The following CFAP95 variants were observed in gnomAD, a reference collection of about 807,000 sequenced individuals.
The protein encoded by CFAP95 is cilia- and flagella-associated protein 95.
At chr9:69,869,891 G>A in the CFAP95 span, among the ~76,000 whole-genome samples, 490 of 152,196 alleles carry the variant, frequency 3.2e-3, 5 homozygotes, top group African/African-American at 0.011. Flanking sequence ...TAAAGTTTAT[G>A]TAGTTGTCAT....
At chr9:69,847,523 T>C in the CFAP95 span, among the ~76,000 whole-genome samples, 5 of 152,248 alleles carry the variant, frequency 3.3e-5, no homozygotes, top group Non-Finnish European at 5.9e-5. Flanking sequence ...CTTTTTACCC[T>C]GCTACACTGC....
the CFAP95 span, among the ~76,000 whole-genome samples, chr9:69,876,302 G>A: frequency 6.6e-6 from 1 of 152,162 alleles, no homozygotes; most frequent in Admixed American, 6.5e-5. Flanking sequence ...GGAGACCAAG[G>A]CAGGTGGATC....
chr9:69,874,476 A>T, the CFAP95 span, among the ~76,000 whole-genome samples: 6 of 152,166 alleles, frequency 3.9e-5, no homozygotes, highest in Admixed American at 1.3e-4. Context: ...AGGAACAAAA[A>T]CACAATTAAA....
chr9:69,855,973 G>T, the CFAP95 span, among the ~76,000 whole-genome samples: 2 of 152,152 alleles, frequency 1.3e-5, no homozygotes, highest in Non-Finnish European at 2.9e-5. Context: ...CCAGCTTCAT[G>T]ATCTTCTAGA....
At chr9:69,880,467 A>G in the CFAP95 span, among the ~76,000 whole-genome samples, 2 of 152,268 alleles carry the variant, frequency 1.3e-5, no homozygotes, top group South Asian at 2.1e-4. Flanking sequence ...TGTTCTATCA[A>G]TGTTGTTGCA....
At chr9:69,903,851 C>T in the CFAP95 span, among the ~76,000 whole-genome samples, 6 of 152,076 alleles carry the variant, frequency 3.9e-5, no homozygotes, top group South Asian at 2.1e-4. Context: ...CTCAGCATCA[C>T]GAGTAGCTGG....
At chr9:69,878,752 C>G in the CFAP95 span, among the ~76,000 whole-genome samples, 6 of 152,130 alleles carry the variant, frequency 3.9e-5, no homozygotes, top group Non-Finnish European at 5.9e-5. Context: ...GCTGTTCTTG[C>G]ATTGCTATAA....
chr9:69,834,813 C>T, the CFAP95 span, among the ~76,000 whole-genome samples: 1 of 152,166 alleles, frequency 6.6e-6, no homozygotes, highest in African/African-American at 2.4e-5. Context: ...TCACATACAG[C>T]ATGAGACACA....
the CFAP95 span, among the ~76,000 whole-genome samples, chr9:69,838,641 A>G: frequency 3.9e-5 from 6 of 152,006 alleles, no homozygotes; most frequent in African/African-American, 7.3e-5. Flanking sequence ...GGCTGAGACA[A>G]TGGGGTTTTC....
chr9:69,887,939 T>G, the CFAP95 span, among the ~76,000 whole-genome samples: 2 of 152,208 alleles, frequency 1.3e-5, 1 homozygote, highest in East Asian at 3.8e-4. Flanking sequence ...GGACTCCAGC[T>G]CTGGCTTCCA....
At chr9:69,877,885 G>A in the CFAP95 span, among the ~76,000 whole-genome samples, 1 of 152,120 alleles carries the variant, frequency 6.6e-6, no homozygotes, top group Non-Finnish European at 1.5e-5. Context: ...TTCAGGGGGA[G>A]AATTTTCATG....
At chr9:69,856,412 A>G in the CFAP95 span, 3 of 468,638 alleles carry the variant, frequency 6.4e-6, no homozygotes, top group Non-Finnish European at 1.1e-5. Flanking sequence ...GAAATAATTG[A>G]CAGCTATGAT....
chr9:69,906,105 C>A, the CFAP95 span: 1 of 1,609,542 alleles, frequency 6.2e-7, no homozygotes, highest in South Asian at 1.1e-5. Flanking sequence ...AAACTCTATC[C>A]CTTGACTAGT....
the CFAP95 span, among the ~76,000 whole-genome samples, chr9:69,882,361 T>C: frequency 6.6e-6 from 1 of 152,366 alleles, no homozygotes; most frequent in African/African-American, 2.4e-5. Flanking sequence ...GTCTTTAGGA[T>C]TTTCTAAATA....
the CFAP95 span, among the ~76,000 whole-genome samples, chr9:69,863,868 C>CT: frequency 1.3e-5 from 2 of 151,984 alleles, no homozygotes; most frequent in African/African-American, 4.8e-5. Flanking sequence ...CTTGACTTCA[C>CT]TTTTTTTTCT....
chr9:69,888,455 C>A, the CFAP95 span, among the ~76,000 whole-genome samples: 5 of 152,018 alleles, frequency 3.3e-5, no homozygotes, highest in Non-Finnish European at 1.5e-5. Context: ...GGGCAGTTTA[C>A]AAAGTAGGAA....
chr9:69,836,501 T>G, the CFAP95 span, among the ~76,000 whole-genome samples: 5 of 152,098 alleles, frequency 3.3e-5, no homozygotes, highest in Admixed American at 1.3e-4. Flanking sequence ...TGCCACAAAT[T>G]GATCCCCTTC....
At chr9:69,863,092 A>G in the CFAP95 span, among the ~76,000 whole-genome samples, 1 of 152,172 alleles carries the variant, frequency 6.6e-6, no homozygotes, top group African/African-American at 2.4e-5. Flanking sequence ...TTAAAAATGA[A>G]ATTTATAGAC....
the CFAP95 span, among the ~76,000 whole-genome samples, chr9:69,869,637 G>T: frequency 1.3e-5 from 2 of 152,052 alleles, no homozygotes; most frequent in African/African-American, 4.8e-5. Flanking sequence ...TGAGGAGATG[G>T]ATATGTTAAT....
Sources: allele counts gnomAD v4.1 joint callset (sites outside exome capture counted in the v4.1 genomes callset), GRCh38; gene constraint gnomAD v4.1.1; transcripts MANE v1.5; gene names NCBI Gene and HGNC (gene_info 2026-07-23, HGNC 2026-07-21).